KCNB2: variants seen among roughly 807,000 people sequenced by gnomAD.
KCNB2 encodes delayed rectifier potassium channel protein.
In KCNB2, 15 loss-of-function variants were observed where a neutral mutation model predicts 61.5. That is an observed-to-expected ratio of 0.24 (90% CI 0.16 to 0.38). The LOEUF is 0.38. Among genes scored for constraint, KCNB2 ranks in the 10% least tolerant of loss-of-function variants. The probability of loss-of-function intolerance (pLI) is 1.00; values close to 1 mark genes in which losing one functional copy is unlikely to be tolerated. For missense variants in KCNB2, 828 were observed against 1,125.2 expected (o/e 0.74, Z 3.78); for synonymous variants, 457 against 446.0 (o/e 1.02, Z -0.31).
At chr8:72,625,535 A>T (rs1805775873) in intron 2 of KCNB2, among the ~76,000 whole-genome samples, 1 of 151,976 alleles carries the variant, frequency 6.6e-6, no homozygotes, top group Non-Finnish European at 1.5e-5. Context: ...GGCTCGGGTG[A>T]TCCTCCCACC....
At chr8:72,885,874 C>T (rs919038984) in intron 2 of KCNB2, among the ~76,000 whole-genome samples, 4 of 152,098 alleles carry the variant, frequency 2.6e-5, no homozygotes, top group African/African-American at 9.7e-5. Context: ...TAAAGACTGT[C>T]TCCTGGTATT....
At chr8:72,557,726 A>G (rs904505164) in intron 1 of KCNB2, among the ~76,000 whole-genome samples, 2 of 152,188 alleles carry the variant, frequency 1.3e-5, no homozygotes, top group Non-Finnish European at 2.9e-5. Context: ...TCTCTTGTGC[A>G]TACCTGACAG....
chr8:72,766,503 A>T (rs1808461936), intron 2 of KCNB2, among the ~76,000 whole-genome samples: 1 of 152,182 alleles, frequency 6.6e-6, no homozygotes, highest in Non-Finnish European at 1.5e-5. Context: ...GGTCCTTAAT[A>T]TATTTCTTCA....
chr8:72,790,213 C>T (rs1245225906), intron 2 of KCNB2, among the ~76,000 whole-genome samples: 2 of 152,090 alleles, frequency 1.3e-5, no homozygotes, highest in African/African-American at 2.4e-5. Context: ...TATCCATAGG[C>T]CTTGACCTCA....
chr8:72,655,726 T>G (rs1585810139), intron 2 of KCNB2, among the ~76,000 whole-genome samples: 3 of 152,270 alleles, frequency 2.0e-5, no homozygotes, highest in Admixed American at 2.0e-4. Context: ...AGTAAAAAAG[T>G]GTTCATAATA....
At chr8:72,596,346 T>C (rs1213827069) in intron 2 of KCNB2, among the ~76,000 whole-genome samples, 1 of 152,210 alleles carries the variant, frequency 6.6e-6, no homozygotes, top group Non-Finnish European at 1.5e-5. Flanking sequence ...GTACTACTTT[T>C]CTGACCTTAT....
At chr8:72,671,678 G>A (rs1389688307) in intron 2 of KCNB2, among the ~76,000 whole-genome samples, 2 of 152,062 alleles carry the variant, frequency 1.3e-5, no homozygotes, top group Non-Finnish European at 2.9e-5. Context: ...TACTTCAAAA[G>A]GTGTAGTGTA....
At chr8:72,670,741 C>T (rs1806549789) in intron 2 of KCNB2, among the ~76,000 whole-genome samples, 1 of 152,154 alleles carries the variant, frequency 6.6e-6, no homozygotes, top group African/African-American at 2.4e-5. Context: ...GGTATATCTC[C>T]CAGGAATTAA....
chr8:72,742,023 A>G (rs959434774), intron 2 of KCNB2, among the ~76,000 whole-genome samples: 9 of 152,204 alleles, frequency 5.9e-5, no homozygotes, highest in Non-Finnish European at 1.0e-4. Flanking sequence ...TCACTGTATG[A>G]AAAAGACACT....
intron 2 of KCNB2, among the ~76,000 whole-genome samples, chr8:72,643,532 T>C (rs1292061704): frequency 6.6e-6 from 1 of 152,126 alleles, no homozygotes; most frequent in East Asian, 1.9e-4. Context: ...CTCCATGGTG[T>C]GGAGTGTGGC....
chr8:72,697,686 C>A (rs1807040026), intron 2 of KCNB2, among the ~76,000 whole-genome samples: 1 of 151,962 alleles, frequency 6.6e-6, no homozygotes, highest in African/African-American at 2.4e-5. Flanking sequence ...TAAATAGGGT[C>A]CACTATTCCA....
chr8:72,711,933 A>C (rs1807333088), intron 2 of KCNB2, among the ~76,000 whole-genome samples: 1 of 152,226 alleles, frequency 6.6e-6, no homozygotes, highest in African/African-American at 2.4e-5. Flanking sequence ...CAGAGGCTGC[A>C]GTGAGCTGAG....
chr8:72,837,224 T>TAG (rs552165409), intron 2 of KCNB2, among the ~76,000 whole-genome samples: 175 of 152,324 alleles, frequency 1.1e-3, no homozygotes, highest in Middle Eastern at 3.4e-3. Context: ...ACTATGTCTG[T>TAG]AGTTCCTTCT....
At chr8:72,870,112 T>C (rs757140660) in intron 2 of KCNB2, among the ~76,000 whole-genome samples, 3 of 152,178 alleles carry the variant, frequency 2.0e-5, no homozygotes, top group Non-Finnish European at 4.4e-5. Context: ...TACTGAATGA[T>C]TCCATTTATA....
At chr8:72,561,761 GGATATATATATA>G (rs1806531853) in intron 1 of KCNB2, among the ~76,000 whole-genome samples, 1 of 24,406 alleles carries the variant, frequency 4.1e-5, no homozygotes, top group African/African-American at 1.6e-4. Flanking sequence ...ATATATATAT[GGATATATATATA>G]TATGGATATA....
intron 2 of KCNB2, among the ~76,000 whole-genome samples, chr8:72,600,209 A>G (rs1262776675): frequency 2.6e-5 from 4 of 152,188 alleles, no homozygotes; most frequent in Admixed American, 2.6e-4. Context: ...TCCAACAATG[A>G]TAGACTGGAT....
chr8:72,764,396 G>A (rs1283070883), intron 2 of KCNB2, among the ~76,000 whole-genome samples: 1 of 152,148 alleles, frequency 6.6e-6, no homozygotes, highest in Non-Finnish European at 1.5e-5. Context: ...GGACACAGTA[G>A]AAATGGCCAA....
At chr8:72,681,760 C>G (rs776360846) in intron 2 of KCNB2, among the ~76,000 whole-genome samples, 2 of 152,112 alleles carry the variant, frequency 1.3e-5, no homozygotes, top group Non-Finnish European at 2.9e-5. Context: ...ACCACAAGCA[C>G]GTGAATAATG....
At chr8:72,735,254 CT>C (rs1339188331) in intron 2 of KCNB2, among the ~76,000 whole-genome samples, 3 of 152,102 alleles carry the variant, frequency 2.0e-5, no homozygotes, top group East Asian at 1.9e-4. Context: ...CAGGAAGTGA[CT>C]TTTTTTTATT....
Sources: allele counts gnomAD v4.1 joint callset (sites outside exome capture counted in the v4.1 genomes callset), GRCh38; gene constraint gnomAD v4.1.1; transcripts MANE v1.5; gene names NCBI Gene and HGNC (gene_info 2026-07-23, HGNC 2026-07-21).